Variants in ARHGEF18 observed in about 807,000 individuals in gnomAD.
ARHGEF18 encodes the protein Rho/Rac guanine nucleotide exchange factor 18, also known as rho guanine nucleotide exchange factor 18.
Under a neutral mutation model 155.7 loss-of-function variants are expected in ARHGEF18, and 93 were observed. That is an observed-to-expected ratio of 0.60 (90% CI 0.50 to 0.71). ARHGEF18 has a LOEUF of 0.71. Among genes scored for constraint, ARHGEF18 ranks in the 30% least tolerant of loss-of-function variants. The pLI, the probability that ARHGEF18 is intolerant of heterozygous loss-of-function variation, is 0.00. For missense variants in ARHGEF18, 1,593 were observed against 1,816.1 expected (o/e 0.88, Z 2.23); for synonymous variants, 742 against 753.1 (o/e 0.99, Z 0.24).
intron 22 of ARHGEF18, 65 bp downstream of exon 22, chr19:7,464,020 A>C: frequency 6.7e-7 from 1 of 1,487,258 alleles, no homozygotes; most frequent in East Asian, 2.5e-5. Flanking sequence ...ATTAACTTGT[A>C]TGGGGTTTCC....
At chr19:7,411,273 C>T (rs35961466) in intron 10 of ARHGEF18, among the ~76,000 whole-genome samples, 11 of 108,856 alleles carry the variant, frequency 1.0e-4, no homozygotes, top group African/African-American at 2.7e-4. Context: ...CCTTCCCCTT[C>T]CCCTTTCCCT....
At position 7,464,670 on chromosome 19, in the gene ARHGEF18, T is replaced by C; in HGVS notation, c.2884T>C (p.Ser962Pro). The change falls in exon 23 of 29, where the codon TCT (serine) becomes CCT (proline). Residue 962 changes from serine to proline, a missense_variant. Coordinates refer to ENST00000668164, the MANE Select transcript of ARHGEF18 (RefSeq NM_001367823.1). ...CAGTGACAGTGACATTCCTGGGAGCTCTGAGGAATCGCCGCAGGTGGTACG... is the reference window on the plus strand; with the variant it reads ...CAGTGACAGTGACATTCCTGGGAGCCCTGAGGAATCGCCGCAGGTGGTACG... The part of the protein sequence containing the change: ...KLSDSDIPGS[S>P]EESPQVVEAP... The C allele has an allele frequency of 6.2e-7, 1 of 1,613,920 alleles. No homozygotes were observed. The highest frequency in any genetic ancestry group is 1.1e-5 in the South Asian group (1 of 91,084).
the ARHGEF18 span, chr19:7,478,257 G>C: frequency 6.4e-7 from 1 of 1,572,090 alleles, no homozygotes; most frequent in Non-Finnish European, 8.6e-7. Flanking sequence ...TGCGAGCCGG[G>C]ATCCCACGCC....
Position 7,462,242 on chromosome 19 carries a change from A to G in ARHGEF18, c.2543A>G (p.Glu848Gly). Residue 848 changes from glutamate (E) to glycine (G), a missense_variant, in exon 21 of 29, where the codon GAA (glutamate) becomes GGA (glycine). Coordinates refer to ENST00000668164, the MANE Select transcript of ARHGEF18 (RefSeq NM_001367823.1). The surrounding 1 kb of genome is among the most constrained non-coding windows in gnomAD (Gnocchi z 4.4). ...GAGATGGCCGAGATGGGCGGCCTCG[A>G]AGACCTGCCCCAGCCCCGAGGCCTA... ...YLEMAEMGGL[E>G]DLPQPRGLFR... 6 of 1,613,904 alleles carry G rather than the reference A, an allele frequency of 3.7e-6. No homozygotes were observed. The highest frequency in any genetic ancestry group is 5.1e-6 in the Non-Finnish European group (6 of 1,180,024).
At chr19:7,479,409 G>A in the ARHGEF18 span, among the ~76,000 whole-genome samples, 3 of 152,154 alleles carry the variant, frequency 2.0e-5, no homozygotes, top group Non-Finnish European at 2.9e-5. Context: ...ACTTGACCCC[G>A]GGAGGTGGAG....
intron 15 of ARHGEF18, among the ~76,000 whole-genome samples, chr19:7,450,195 T>G (rs1295118954): frequency 6.6e-6 from 1 of 151,608 alleles, no homozygotes; most frequent in Admixed American, 6.6e-5. Context: ...TGCTGTCCAT[T>G]TCCGAGCTGT....
chr19:7,472,632 A>G (rs1326268323), downstream of ARHGEF18, among the ~76,000 whole-genome samples: 3 of 152,134 alleles, frequency 2.0e-5, no homozygotes, highest in Admixed American at 6.6e-5. Flanking sequence ...TAACGCTCTG[A>G]AGACCCCTTC....
rs137866171 is a variant in ARHGEF18, at chr19:7,357,920, G to A, written c.-110-4861G>A. On this transcript the variant is annotated intron_variant, in intron 1 of 28. Coordinates refer to ENST00000668164, the MANE Select transcript of ARHGEF18 (RefSeq NM_001367823.1). The stretch of plus-strand genomic sequence containing the variant: ...GTCTGATGAGTGCAGTCTGTGCCTC[G>A]CTCACCTTGGTTTCCTTCCTGTGTG... 7.1e-3 allele frequency among the ~76,000 whole-genome samples: 1,082 copies of A among 152,018 alleles called. 7 individuals are homozygous for A. Among genetic ancestry groups the A allele is most frequent in the African/African-American group, 0.025 (1,034 of 41,456 alleles).
At position 7,467,674 on chromosome 19, in the gene ARHGEF18, C is replaced by T. The variant is rs1210367591; in HGVS notation, c.3470C>T (p.Thr1157Ile). The T allele has an allele frequency of 6.6e-7, 1 of 1,507,698 alleles. No homozygotes were observed. Among genetic ancestry groups the T allele is most frequent in the Admixed American group, 2.2e-5 (1 of 46,388 alleles). 93.4% of individuals were successfully genotyped at this position (1,507,698 alleles called of 1,614,324 possible). ...GCGCCAGGCGCGCTGCCGCCCGACA[C>T]ACTGGCCGAGGTGAGCGCGCAGCAG... ...NTAPGALPPDTLAEAQPPSHP... is the reference protein window; with the variant it reads ...NTAPGALPPDILAEAQPPSHP... Residue 1157 changes from threonine to isoleucine, a missense_variant, in exon 26 of 29, where the codon ACA (threonine) becomes ATA (isoleucine). Coordinates refer to ENST00000668164, the MANE Select transcript of ARHGEF18 (RefSeq NM_001367823.1).
intron 8 of ARHGEF18, among the ~76,000 whole-genome samples, chr19:7,381,717 AT>A (rs1970751929): frequency 6.6e-6 from 1 of 151,350 alleles, no homozygotes; most frequent in African/African-American, 2.4e-5. Context: ...AAATAAATAA[AT>A]AAATAAAAAT....
Position 7,425,550 on chromosome 19 carries a change from C to T in ARHGEF18, c.968-14794C>T, listed in dbSNP as rs577722005. Among the ~76,000 whole-genome samples, 16 of 151,696 alleles carry T rather than the reference C, an allele frequency of 1.1e-4. No individual in the cohort carries two copies. The South Asian group carries it at 1.7e-3, about 16-fold the overall frequency. The stretch of plus-strand genomic sequence containing the variant: ...TACAAAAATTAGCCAGGCATGGTGG[C>T]GGGTGCCTGTAATCCCAGCTACTCA... On this transcript the variant is annotated intron_variant, in intron 10 of 28. Transcript: ENST00000668164.
intron 2 of ARHGEF18, among the ~76,000 whole-genome samples, chr19:7,370,900 CT>C (rs111574229): frequency 0.018 from 2,557 of 145,568 alleles, 80 homozygotes; most frequent in African/African-American, 0.06. Flanking sequence ...CCACACCCCG[CT>C]TTTTTTTTTT....
chr19:7,447,031 TTTG>T lies in ARHGEF18; in HGVS notation c.1612-9_1612-7del. ...CGTGTTTAATTAACATTTCCATCCTTTTGTTTATCAGTTTTCAGGTGAAAATGG... is the reference window on the plus strand; with the variant it reads ...CGTGTTTAATTAACATTTCCATCCTTTTTATCAGTTTTCAGGTGAAAATGG... On this transcript the variant is annotated splice_polypyrimidine_tract_variant and intron_variant, in intron 14 of 28. Transcript: ENST00000668164. 1.2e-6 allele frequency: 2 copies of T among 1,610,718 alleles called. No individual in the cohort carries two copies. The highest frequency in any genetic ancestry group is 1.7e-6 in the Non-Finnish European group (2 of 1,179,128).
rs1976714971 is a variant in ARHGEF18, at chr19:7,467,459, C to T, written c.3255C>T (p.Gly1085=). The change falls in exon 26 of 29, where the codon GGC becomes GGT. Residue 1085 remains glycine, a synonymous_variant. Coordinates refer to ENST00000668164, the MANE Select transcript of ARHGEF18 (RefSeq NM_001367823.1). The stretch of plus-strand genomic sequence containing the variant: ...AGCACCAGGAGCTGGAGCGTGCGGG[C>T]GCGCGGCTGCAGGAGCGCGAGGGCG... ...QWQHQELERA[G]ARLQEREGEA... is the part of the protein sequence containing the mutation. The T allele has an allele frequency of 2.7e-6, 4 of 1,504,808 alleles. No homozygotes were observed. Among genetic ancestry groups the T allele is most frequent in the African/African-American group, 2.8e-5 (2 of 70,672 alleles). 93.2% of individuals were successfully genotyped at this position (1,504,808 alleles called of 1,614,324 possible).
chr19:7,476,465 A>T (rs1977230277), downstream of ARHGEF18, among the ~76,000 whole-genome samples: 1 of 152,224 alleles, frequency 6.6e-6, no homozygotes, highest in Non-Finnish European at 1.5e-5. Context: ...CCAGCAGACT[A>T]AGCAGTGCCC....
intron 2 of ARHGEF18, among the ~76,000 whole-genome samples, chr19:7,364,402 AAGGC>A (rs1555698671): frequency 3.5e-4 from 46 of 129,760 alleles, no homozygotes; most frequent in African/African-American, 1.2e-3. Flanking sequence ...GGAAGGAAGG[AAGGC>A]AGGCTGACTA....
chr19:7,408,643 G>T (rs1972482068), intron 10 of ARHGEF18, among the ~76,000 whole-genome samples: 1 of 152,256 alleles, frequency 6.6e-6, no homozygotes, highest in African/African-American at 2.4e-5. Flanking sequence ...GCTCCCTGAG[G>T]GGCCCCTCTT....
chr19:7,421,946 C>A (rs114503776), intron 10 of ARHGEF18, among the ~76,000 whole-genome samples: 1 of 152,006 alleles, frequency 6.6e-6, no homozygotes, highest in Admixed American at 6.6e-5. Context: ...GGTCCCACCT[C>A]GGTGGCCCAA....
At chr19:7,478,938 C>G in the ARHGEF18 span, among the ~76,000 whole-genome samples, 2 of 152,194 alleles carry the variant, frequency 1.3e-5, no homozygotes, top group Non-Finnish European at 2.9e-5. Context: ...AGCCTCTGTG[C>G]TCCCAGCAGG....
Sources: allele counts gnomAD v4.1 joint callset (sites outside exome capture counted in the v4.1 genomes callset), GRCh38; gene constraint gnomAD v4.1.1; non-coding constraint Gnocchi (gnomAD v3.1); transcripts MANE v1.5; gene names NCBI Gene and HGNC (gene_info 2026-07-23, HGNC 2026-07-21).